The following PRR19 variants were observed in gnomAD, a reference collection of about 807,000 sequenced individuals.
PRR19 encodes the protein proline-rich protein 19.
Under a neutral mutation model 19.2 loss-of-function variants are expected in PRR19, and 9 were observed. The ratio of observed to expected loss-of-function variants is 0.47; its 90% CI spans 0.28 to 0.82. The LOEUF is 0.82. Ranked by LOEUF, PRR19 falls within the 40% of genes least tolerant of loss-of-function variation. The probability of loss-of-function intolerance (pLI) is 0.11; values close to 1 mark genes in which losing one functional copy is unlikely to be tolerated. For missense variants in PRR19, 457 were observed against 466.0 expected, an observed-to-expected ratio of 0.98 and a Z score of 0.18; for synonymous variants, 190 against 191.0, an observed-to-expected ratio of 0.99 and a Z score of 0.04.
At chr19:42,307,747 C>CTTTT (rs759101368) in intron 1 of PRR19, among the ~76,000 whole-genome samples, 7 of 83,576 alleles carry the variant, frequency 8.4e-5, no homozygotes, top group Non-Finnish European at 1.4e-4. Context: ...CACCCTCCAT[C>CTTTT]TTTTTTTTTT....
chr19:42,303,998 G>T (rs2615615), intron 1 of PRR19, among the ~76,000 whole-genome samples: 1,809 of 152,164 alleles, frequency 0.012, 47 homozygotes, highest in African/African-American at 0.042. Flanking sequence ...GTCTGAGGGA[G>T]GCCAGCATGG....
Position 42,310,028 on chromosome 19 carries a change from G to C in PRR19, c.444G>C (p.Leu148=), listed in dbSNP as rs1163627216. 6.2e-7 allele frequency: 1 copy of C among 1,613,926 alleles called. No homozygotes were observed. Among genetic ancestry groups the C allele is most frequent in the African/African-American group, 1.3e-5 (1 of 74,946 alleles). The change falls in exon 2 of 3, where the codon CTG becomes CTC. Residue 148 remains leucine, a synonymous_variant. Coordinates refer to ENST00000341747, the MANE Select transcript of PRR19 (RefSeq NM_199285.3). ...AGTTGTCTGGCGTGGGGCAGCTGCT[G>C]GCAGAGCTGCAGTGTCAGCTGAGTT... is the stretch of plus-strand genomic sequence containing the variant. ...SPELSGVGQL[L]AELQCQLSLP...
In PRR19 at chr19:42,302,257, T is replaced by C. The variant is rs1441344869; in HGVS notation, c.-253T>C. ...CAGGGACATCCAGCGCCCGTCGCCC[T>C]GTACGTCCTGCACCGGCGTGGGCTT... is the stretch of plus-strand genomic sequence containing the variant. On this transcript the variant is annotated 5_prime_UTR_variant, in exon 1 of 3. Coordinates refer to ENST00000341747, the MANE Select transcript of PRR19 (RefSeq NM_199285.3). 5 of 1,605,570 alleles carry C rather than the reference T, an allele frequency of 3.1e-6. No individual in the cohort carries two copies. Among genetic ancestry groups the C allele is most frequent in the Non-Finnish European group, 4.2e-6 (5 of 1,176,570 alleles).
rs748735569 is a variant in PRR19 at position 42,302,301 on chromosome 19, T to G, written c.-209T>G. ...TGGGCTTGCTGGCTGGGTTCTCCTC[T>G]CCACTCATCTTGGCGCCGCAGCTCC... On this transcript the variant is annotated 5_prime_UTR_variant, in exon 1 of 3. Transcript: ENST00000341747. The G allele has an allele frequency of 9.3e-6, 15 of 1,604,444 alleles. No homozygotes were observed. The South Asian group carries it at 1.5e-4, about 16-fold the overall frequency.
chr19:42,306,569 G>T (rs2038708839), intron 1 of PRR19, among the ~76,000 whole-genome samples: 1 of 152,168 alleles, frequency 6.6e-6, no homozygotes, highest in Non-Finnish European at 1.5e-5. Flanking sequence ...CTCCCAAAGT[G>T]CTGGGATTAC....
At chr19:42,306,595 C>T (rs2038709000) in intron 1 of PRR19, among the ~76,000 whole-genome samples, 5 of 152,224 alleles carry the variant, frequency 3.3e-5, no homozygotes, top group African/African-American at 2.4e-5. Flanking sequence ...TGAGCCACCA[C>T]GCCCGGCCAA....
chr19:42,306,592 C>T (rs1244577347), intron 1 of PRR19, among the ~76,000 whole-genome samples: 2 of 152,222 alleles, frequency 1.3e-5, no homozygotes, highest in African/African-American at 4.8e-5. Flanking sequence ...ACGTGAGCCA[C>T]CACGCCCGGC....
At position 42,310,460 on chromosome 19, in the gene PRR19, C is replaced by A. The variant is rs1431937651; in HGVS notation, c.791C>A (p.Pro264Gln). The change falls in exon 3 of 3, where the codon CCA (proline) becomes CAA (glutamine). Residue 264 changes from proline (P) to glutamine (Q), a missense_variant. Transcript: ENST00000341747. ...SLAPPRGPWPPYFPSLSSPSG... is the reference protein window; with the variant it reads ...SLAPPRGPWPQYFPSLSSPSG... ...GCACCGCCAAGAGGTCCCTGGCCAC[C>A]ATACTTTCCCTCACTGTCTTCGCCA... 6.2e-7 allele frequency: 1 copy of A among 1,614,204 alleles called. No individual in the cohort carries two copies. Among genetic ancestry groups the A allele is most frequent in the Admixed American group, 1.7e-5 (1 of 60,032 alleles).
intron 1 of PRR19, among the ~76,000 whole-genome samples, chr19:42,307,976 C>T (rs533091448): frequency 1.6e-4 from 24 of 151,566 alleles, no homozygotes; most frequent in African/African-American, 5.8e-4. Context: ...CCAGGATGGT[C>T]TCCATCTCCT....
intron 1 of PRR19, among the ~76,000 whole-genome samples, chr19:42,304,451 T>TAAA (rs765120547): frequency 1.2e-5 from 1 of 82,108 alleles, no homozygotes; most frequent in Non-Finnish European, 2.5e-5. Flanking sequence ...AGACCCTGTC[T>TAAA]AAAAAAAAAA....
At chr19:42,303,064 G>GGGGTGTGTGTGT (rs371257168) in intron 1 of PRR19, among the ~76,000 whole-genome samples, 4 of 133,964 alleles carry the variant, frequency 3.0e-5, no homozygotes, top group African/African-American at 5.6e-5. Context: ...AAACACCGTG[G>GGGGTGTGTGTGT]GTGTGTGTGT....
chr19:42,302,405 G>T lies in PRR19; in HGVS notation c.-105G>T. ...CGCCACGCCCACTCCTACCCCTCGC[G>T]GCAACAAAGGACCGTCCCAACGCTA... On this transcript the variant is annotated 5_prime_UTR_variant, in exon 1 of 3. Transcript: ENST00000341747. 3.5e-6 allele frequency: 4 copies of T among 1,143,968 alleles called. No homozygotes were observed. Among genetic ancestry groups the T allele is most frequent in the South Asian group, 1.5e-5 (1 of 68,680 alleles). The allele number at this position is 1,143,968 out of a possible 1,614,324, so 70.9% of individuals were successfully genotyped here.
At position 42,302,380 on chromosome 19, in the gene PRR19, C is replaced by T. The variant is rs1390254702; in HGVS notation, c.-130C>T. The T allele has an allele frequency of 1.4e-6, 2 of 1,385,756 alleles. No individual in the cohort carries two copies. The highest frequency in any genetic ancestry group is 2.8e-5 in the African/African-American group (2 of 70,290). The allele number at this position is 1,385,756 out of a possible 1,614,324, so 85.8% of individuals were successfully genotyped here. A position where few individuals can be genotyped will look rare whatever the true frequency, so the allele number is the denominator to read the frequency against. On this transcript the variant is annotated 5_prime_UTR_variant, in exon 1 of 3. Transcript: ENST00000341747. ...GGAGTGTTCCGAACGGAGCTGGCTC[C>T]GCCACGCCCACTCCTACCCCTCGCG...
At chr19:42,302,601 C>G in intron 1 of PRR19, 98 bp downstream of exon 1, 2 of 394,632 alleles carry the variant, frequency 5.1e-6, no homozygotes, top group Non-Finnish European at 4.6e-6. Context: ...GGCCGCGCAC[C>G]CGGCACGGGG....
Position 42,310,439 on chromosome 19 carries a change from C to T in PRR19, c.770C>T (p.Pro257Leu), listed in dbSNP as rs146879926. The T allele has an allele frequency of 1.5e-5, 24 of 1,614,194 alleles. No homozygotes were observed. The highest frequency in any genetic ancestry group is 5.5e-5 in the South Asian group (5 of 91,086). ...ACTGCGCACAGGGGGAGTCTGGCAC[C>T]GCCAAGAGGTCCCTGGCCACCATAC... ...MPTAHRGSLA[P>L]PRGPWPPYFP... Residue 257 changes from proline (P) to leucine (L), a missense_variant, in exon 3 of 3, where the codon CCG becomes CTG. Physicochemically the swap from Pro to Leu is moderately conservative, Grantham distance 98. Transcript: ENST00000341747.
chr19:42,302,334 T>A lies in PRR19; in HGVS notation c.-176T>A. ...TCTTGGCGCCGCAGCTCCTGCAGGA[T>A]GAGCGAGTCGGGTCGGCCCGGGAGT... On this transcript the variant is annotated 5_prime_UTR_variant, in exon 1 of 3. An upstream start codon of the reference 5' UTR is lost. Coordinates refer to ENST00000341747, the MANE Select transcript of PRR19 (RefSeq NM_199285.3). 1 of 1,578,958 alleles carries A rather than the reference T, an allele frequency of 6.3e-7. No homozygotes were observed. The highest frequency in any genetic ancestry group is 1.1e-5 in the South Asian group (1 of 87,002).
chr19:42,305,531 G>C (rs1599959356), intron 1 of PRR19, among the ~76,000 whole-genome samples: 1 of 152,022 alleles, frequency 6.6e-6, no homozygotes, highest in Non-Finnish European at 1.5e-5. Flanking sequence ...ACCTGCCTTG[G>C]CCTCCCAAAG....
At position 42,309,996 on chromosome 19, in the gene PRR19, T is replaced by C. The variant is rs762078316; in HGVS notation, c.412T>C (p.Ser138Pro). 4 of 1,613,878 alleles carry C rather than the reference T, an allele frequency of 2.5e-6. No homozygotes were observed. The African/African-American group carries it at 5.3e-5, about 22-fold the overall frequency. The change falls in exon 2 of 3, where the codon TCC (serine) becomes CCC (proline). Residue 138 changes from serine (S) to proline (P), a missense_variant. Coordinates refer to ENST00000341747, the MANE Select transcript of PRR19 (RefSeq NM_199285.3). Reference protein sequence around the residue: ...PGGSGPGPPSSPELSGVGQLL... With the variant: ...PGGSGPGPPSPPELSGVGQLL... ...AGGTTCGGGCCCAGGCCCACCCAGT[T>C]CCCCAGAGTTGTCTGGCGTGGGGCA...
At position 42,304,139 on chromosome 19, in the gene PRR19, G is replaced by A. The variant is rs1015139887; in HGVS notation, c.-7+1636G>A. ...CAAAAAAAAAAAAAAAATTAGCTAG[G>A]CATGGCAGCACACGCCCGTAGTCCC... On this transcript the variant is annotated intron_variant, in intron 1 of 2. Coordinates refer to ENST00000341747, the MANE Select transcript of PRR19 (RefSeq NM_199285.3). Among the ~76,000 whole-genome samples the A allele has an allele frequency of 2.0e-5, 3 of 151,712 alleles. No homozygotes were observed. The South Asian group carries it at 6.2e-4, about 32-fold the overall frequency.
Sources: gnomAD v4.1 joint callset for allele counts (sites outside exome capture counted in the v4.1 genomes callset) on GRCh38, gnomAD v4.1.1 for gene constraint, MANE v1.5 for transcripts, NCBI Gene and HGNC (gene_info 2026-07-23, HGNC 2026-07-21) for gene names.